Variants in SLC24A3 observed in about 807,000 individuals in gnomAD.
The protein encoded by SLC24A3 is sodium/potassium/calcium exchanger 3.
A neutral mutation model predicts 75.8 loss-of-function variants in SLC24A3; 28 were observed. The observed-to-expected ratio is 0.37, with a 90% CI of 0.27 to 0.51. The LOEUF (loss-of-function observed/expected upper bound fraction) is 0.51, where lower values mean the gene tolerates loss of function less well. Among genes scored for constraint, SLC24A3 ranks in the 20% least tolerant of loss-of-function variants. The pLI, the probability that SLC24A3 is intolerant of heterozygous loss-of-function variation, is 0.94. For synonymous variants in SLC24A3, 372 were observed against 334.1 expected (o/e 1.11, Z -1.24); for missense variants, 663 against 847.8 (o/e 0.78, Z 2.71).
chr20:19,227,867 A>T (rs1015442760), intron 1 of SLC24A3, among the ~76,000 whole-genome samples: 14 of 152,202 alleles, frequency 9.2e-5, no homozygotes, highest in African/African-American at 3.4e-4. Flanking sequence ...AGATGAATTT[A>T]TAATCCTTTA....
At chr20:19,415,146 G>A (rs1360713361) in intron 2 of SLC24A3, among the ~76,000 whole-genome samples, 1 of 152,216 alleles carries the variant, frequency 6.6e-6, no homozygotes, top group African/African-American at 2.4e-5. Context: ...GTGTTGTCCA[G>A]CAGCAGGGGT....
intron 15 of SLC24A3, among the ~76,000 whole-genome samples, chr20:19,703,401 ACACTGCACCAGTATC>A (rs2032895579): frequency 6.6e-6 from 1 of 152,234 alleles, no homozygotes; most frequent in African/African-American, 2.4e-5. Flanking sequence ...TCTGCCACTC[ACACTGCACCAGTATC>A]CATCTGACAC....
chr20:19,704,185 GGAGA>G (rs2032902786), intron 15 of SLC24A3, among the ~76,000 whole-genome samples: 2 of 71,128 alleles, frequency 2.8e-5, no homozygotes, highest in African/African-American at 1.4e-4. Context: ...ATGGATGGAT[GGAGA>G]GATGGATGGA....
intron 2 of SLC24A3, among the ~76,000 whole-genome samples, chr20:19,356,598 G>T (rs1985688173): frequency 6.6e-6 from 1 of 152,126 alleles, no homozygotes; most frequent in Admixed American, 6.5e-5. Context: ...GTTGTTGATT[G>T]ACATTTGGAT....
intron 3 of SLC24A3, among the ~76,000 whole-genome samples, chr20:19,547,372 G>A (rs533739799): frequency 1.3e-4 from 20 of 152,330 alleles, no homozygotes; most frequent in Admixed American, 5.9e-4. Context: ...GTGACCTGAA[G>A]ATGAGGATAG....
At chr20:19,656,198 A>ATTTC (rs2032263767) in intron 7 of SLC24A3, among the ~76,000 whole-genome samples, 1 of 152,214 alleles carries the variant, frequency 6.6e-6, no homozygotes, top group Non-Finnish European at 1.5e-5. Context: ...TGACACTGAA[A>ATTTC]ATCTTGAGTT....
chr20:19,297,359 G>A (rs1984086338), intron 2 of SLC24A3, among the ~76,000 whole-genome samples: 1 of 152,098 alleles, frequency 6.6e-6, no homozygotes, highest in South Asian at 2.1e-4. Context: ...TTTGCCCCCT[G>A]CCTCTGTCAA....
intron 6 of SLC24A3, among the ~76,000 whole-genome samples, chr20:19,636,604 A>G (rs1166910090): frequency 6.6e-6 from 1 of 152,096 alleles, no homozygotes; most frequent in Non-Finnish European, 1.5e-5. Flanking sequence ...CACACACCCT[A>G]CAGTGAAGCT....
chr20:19,320,628 T>C (rs750966904), intron 2 of SLC24A3, among the ~76,000 whole-genome samples: 13 of 152,156 alleles, frequency 8.5e-5, no homozygotes, highest in Admixed American at 2.0e-4. Context: ...TATTCAGTTG[T>C]CGCTCGGTAT....
chr20:19,572,469 AGG>A (rs2031068955), intron 3 of SLC24A3, among the ~76,000 whole-genome samples: 1 of 143,764 alleles, frequency 7.0e-6, no homozygotes, highest in Admixed American at 7.4e-5. Flanking sequence ...TAGCCCACTC[AGG>A]GGTACTGATA....
At chr20:19,549,526 G>A (rs552365823) in intron 3 of SLC24A3, among the ~76,000 whole-genome samples, 27 of 152,292 alleles carry the variant, frequency 1.8e-4, no homozygotes, top group Non-Finnish European at 3.1e-4. Context: ...GCTCATGCCT[G>A]CAATCCCAGC....
At chr20:19,296,761 A>G (rs1984071640) in intron 2 of SLC24A3, among the ~76,000 whole-genome samples, 1 of 152,230 alleles carries the variant, frequency 6.6e-6, no homozygotes. Context: ...AGACATCTAC[A>G]GAGCTTTCCA....
chr20:19,471,546 C>T (rs1357973730), intron 2 of SLC24A3, among the ~76,000 whole-genome samples: 2 of 152,024 alleles, frequency 1.3e-5, no homozygotes, highest in East Asian at 1.9e-4. Flanking sequence ...GGGAGAAGTC[C>T]CTATTTCTGT....
intron 6 of SLC24A3, among the ~76,000 whole-genome samples, chr20:19,611,404 G>A (rs2031669961): frequency 1.3e-5 from 2 of 152,176 alleles, no homozygotes; most frequent in African/African-American, 4.8e-5. Flanking sequence ...CAGTCTGATA[G>A]CTCAACCAGG....
chr20:19,698,019 G>A (rs777738967), intron 14 of SLC24A3, among the ~76,000 whole-genome samples: 9 of 152,284 alleles, frequency 5.9e-5, no homozygotes, highest in Admixed American at 3.9e-4. Context: ...GCATCTGCTC[G>A]GCTTCTGGGG....
chr20:19,718,829 C>T (rs141149045), intron 16 of SLC24A3, among the ~76,000 whole-genome samples: 15 of 152,234 alleles, frequency 9.9e-5, no homozygotes, highest in African/African-American at 2.4e-4. Flanking sequence ...TCTGAGTTCA[C>T]GAGAAATGTT....
intron 2 of SLC24A3, among the ~76,000 whole-genome samples, chr20:19,288,074 A>G (rs1339123391): frequency 2.0e-5 from 3 of 152,254 alleles, no homozygotes; most frequent in Non-Finnish European, 4.4e-5. Flanking sequence ...GATCATTTAT[A>G]GGAATTTACC....
rs6106103 is a variant in SLC24A3 at position 19,561,400 on chromosome 20, G to T, written c.349-18600G>T. On this transcript the variant is annotated intron_variant, in intron 3 of 16. Coordinates refer to ENST00000328041, the MANE Select transcript of SLC24A3 (RefSeq NM_020689.4). ...TCCTAAATCATGTGTTTGTTAGAAT[G>T]TGAAATCTGGTTTGGGTTTCTTTGG... Among the ~76,000 whole-genome samples, 1,019 of 152,250 alleles carry T rather than the reference G, an allele frequency of 6.7e-3. 6 individuals carry two copies. The highest frequency in any genetic ancestry group is 0.031 in the Middle Eastern group (9 of 294).
chr20:19,459,951 A>G (rs949378231), intron 2 of SLC24A3, among the ~76,000 whole-genome samples: 1 of 152,168 alleles, frequency 6.6e-6, no homozygotes, highest in Non-Finnish European at 1.5e-5. Context: ...AGATTATGAC[A>G]CAGTAGGTCT....
Sources: gnomAD v4.1 joint callset for allele counts (sites outside exome capture counted in the v4.1 genomes callset) on GRCh38, gnomAD v4.1.1 for gene constraint, MANE v1.5 for transcripts, NCBI Gene and HGNC (gene_info 2026-07-23, HGNC 2026-07-21) for gene names.